The following FERMT2 variants were observed in gnomAD, a reference collection of about 807,000 sequenced individuals.
The protein encoded by FERMT2 is FERM domain containing kindlin 2, also known as fermitin family homolog 2.
A neutral mutation model predicts 82.7 loss-of-function variants in FERMT2; 15 were observed. The ratio of observed to expected loss-of-function variants is 0.18; its 90% CI spans 0.12 to 0.28. The LOEUF is 0.28. Ranked by LOEUF, FERMT2 falls within the 10% of genes least tolerant of loss-of-function variation. The pLI is 1.00. For synonymous variants in FERMT2, 274 were observed against 271.5 expected (o/e 1.01, Z -0.09); for missense variants, 645 against 809.4 (o/e 0.80, Z 2.46).
intron 3 of FERMT2, among the ~76,000 whole-genome samples, chr14:52,917,271 C>CGT (rs150322009): frequency 0.11 from 16,841 of 147,530 alleles, 1,000 homozygotes; most frequent in East Asian, 0.25. Flanking sequence ...CACAGAGATA[C>CGT]GTGTGTGTGT....
rs1884690810 is a variant in FERMT2, at chr14:52,858,272, T to C, written c.*105A>G. On this transcript the variant is annotated 3_prime_UTR_variant, in exon 15 of 15. Transcript: ENST00000341590. ...TGGTAAGGCAAAGAAGTTTTCATGA[T>C]AAAATGATAAATTTCAAGCTTACTT... is the stretch of plus-strand genomic sequence containing the variant. The C allele has an allele frequency of 9.7e-7, 1 of 1,027,980 alleles. No individual in the cohort carries two copies. Among genetic ancestry groups the C allele is most frequent in the Admixed American group, 2.2e-5 (1 of 44,866 alleles). The allele number at this position is 1,027,980 out of a possible 1,614,324, so 63.7% of individuals were successfully genotyped here. A position where few individuals can be genotyped will look rare whatever the true frequency, so the allele number is the denominator to read the frequency against.
intron 14 of FERMT2, chr14:52,859,175 G>A (rs901035922): frequency 6.2e-6 from 1 of 161,566 alleles, no homozygotes; most frequent in Non-Finnish European, 1.3e-5. Flanking sequence ...ATGGCCCTCA[G>A]GTCTCTCTAT....
intron 2 of FERMT2, among the ~76,000 whole-genome samples, chr14:52,931,241 G>A (rs1169365485): frequency 6.6e-6 from 1 of 152,198 alleles, no homozygotes; most frequent in Non-Finnish European, 1.5e-5. Context: ...GAGAGACACA[G>A]ACAAGTAAAA....
chr14:52,861,200 T>C, intron 12 of FERMT2: 2 of 574,146 alleles, frequency 3.5e-6, no homozygotes, highest in East Asian at 6.4e-5. Flanking sequence ...GCAAAGTAAA[T>C]GCAAGAATGA....
chr14:52,909,635 A>G (rs1888201566), intron 3 of FERMT2, among the ~76,000 whole-genome samples: 1 of 152,140 alleles, frequency 6.6e-6, no homozygotes. Context: ...TAAAAATACA[A>G]AAGTTAGCCA....
chr14:52,895,153 C>T (rs952268186), intron 3 of FERMT2, among the ~76,000 whole-genome samples: 10 of 152,140 alleles, frequency 6.6e-5, no homozygotes, highest in African/African-American at 2.4e-4. Context: ...ATTAAAACCA[C>T]AATGAGATAG....
intron 2 of FERMT2, among the ~76,000 whole-genome samples, chr14:52,949,113 T>C (rs1890494386): frequency 6.6e-6 from 1 of 152,186 alleles, no homozygotes; most frequent in Non-Finnish European, 1.5e-5. Flanking sequence ...TTTTCTTTCC[T>C]GAGCTGTATC....
At chr14:52,884,419 T>A (rs1886469550) in intron 4 of FERMT2, among the ~76,000 whole-genome samples, 1 of 151,840 alleles carries the variant, frequency 6.6e-6, no homozygotes, top group South Asian at 2.1e-4. Flanking sequence ...CTGGCCAACA[T>A]GGTGAAACCC....
intron 3 of FERMT2, among the ~76,000 whole-genome samples, chr14:52,914,104 T>G (rs1170632402): frequency 6.6e-6 from 1 of 152,150 alleles, no homozygotes; most frequent in African/African-American, 2.4e-5. Context: ...GGCTGCTGCC[T>G]GTAATCCTAC....
intron 9 of FERMT2, among the ~76,000 whole-genome samples, chr14:52,873,873 A>G (rs1365545159): frequency 1.3e-5 from 2 of 152,120 alleles, no homozygotes; most frequent in Non-Finnish European, 2.9e-5. Context: ...ACTGCTTCCA[A>G]CTGAGGCCCG....
intron 4 of FERMT2, among the ~76,000 whole-genome samples, chr14:52,892,181 T>G (rs79224287): frequency 1.3e-5 from 2 of 148,328 alleles, no homozygotes; most frequent in African/African-American, 4.9e-5. Context: ...TTTTTTTTTT[T>G]TTTTTTGAGA....
chr14:52,874,864 T>C (rs1276246726), intron 8 of FERMT2, among the ~76,000 whole-genome samples: 1 of 152,152 alleles, frequency 6.6e-6, no homozygotes, highest in Non-Finnish European at 1.5e-5. Flanking sequence ...GAGATCAGAC[T>C]AGACAACACA....
chr14:52,944,752 G>A (rs570135889), intron 2 of FERMT2, among the ~76,000 whole-genome samples: 2 of 152,240 alleles, frequency 1.3e-5, no homozygotes, highest in African/African-American at 4.8e-5. Flanking sequence ...TTGGTCACAT[G>A]TGCTAAGTTC....
chr14:52,861,022 T>C, intron 12 of FERMT2: 1 of 1,519,908 alleles, frequency 6.6e-7, no homozygotes, highest in Non-Finnish European at 8.8e-7. Context: ...ACCAAATCTC[T>C]TATATAGCCT....
chr14:52,864,660 G>A (rs1255227062), intron 11 of FERMT2, 38 bp from the exon 12 acceptor site: 16 of 1,585,486 alleles, frequency 1.0e-5, no homozygotes, highest in African/African-American at 1.3e-5. Flanking sequence ...AATGTATCAC[G>A]AGGTGGGTCT....
At chr14:52,910,141 A>T (rs890081531) in intron 3 of FERMT2, among the ~76,000 whole-genome samples, 2 of 152,258 alleles carry the variant, frequency 1.3e-5, no homozygotes, top group African/African-American at 4.8e-5. Flanking sequence ...CCTTATGTAC[A>T]GCTTAATTTA....
At chr14:52,871,643 G>T (rs909691193) in intron 10 of FERMT2, 2 of 152,220 alleles carry the variant, frequency 1.3e-5, no homozygotes, top group African/African-American at 4.8e-5. Flanking sequence ...ACCAATAGAA[G>T]AAATCACTGA....
intron 2 of FERMT2, among the ~76,000 whole-genome samples, chr14:52,935,883 A>G (rs769404293): frequency 3.3e-5 from 5 of 152,244 alleles, no homozygotes; most frequent in African/African-American, 4.8e-5. Context: ...ATCCGATACT[A>G]TAAGACATAC....
chr14:52,936,887 G>C (rs1889861045), intron 2 of FERMT2, among the ~76,000 whole-genome samples: 1 of 152,122 alleles, frequency 6.6e-6, no homozygotes, highest in Non-Finnish European at 1.5e-5. Context: ...GGGAGCAGTG[G>C]CTCATGCTTG....
Sources: gnomAD v4.1 joint callset for allele counts (sites outside exome capture counted in the v4.1 genomes callset) on GRCh38, gnomAD v4.1.1 for gene constraint, MANE v1.5 for transcripts, NCBI Gene and HGNC (gene_info 2026-07-23, HGNC 2026-07-21) for gene names.